Variants in TTC28 observed in about 807,000 individuals in gnomAD.
TTC28 encodes the protein tetratricopeptide repeat domain 28.
TTC28 carries 61 observed loss-of-function variants against 198.0 expected under a neutral mutation model. The observed-to-expected ratio is 0.31, with a 90% CI of 0.25 to 0.38. The LOEUF (loss-of-function observed/expected upper bound fraction) is 0.38. TTC28 is among the 10% of genes least tolerant of loss of function. The probability of loss-of-function intolerance (pLI) is 1.00; values close to 1 mark genes in which losing one functional copy is unlikely to be tolerated. For synonymous variants in TTC28, 1,171 were observed against 1,297.8 expected, an observed-to-expected ratio of 0.90 and a Z score of 2.10; for missense variants, 2,678 against 3,164.0, an observed-to-expected ratio of 0.85 and a Z score of 3.69.
At chr22:28,018,306 C>CGCGCGCACGCGCGCGG (rs1451764096) in intron 13 of TTC28, among the ~76,000 whole-genome samples, 3 of 49,192 alleles carry the variant, frequency 6.1e-5, no homozygotes, top group African/African-American at 1.8e-4. Context: ...TGTGCGCGCG[C>CGCGCGCACGCGCGCGG]GGGGGGGGGG....
At chr22:28,332,369 T>A (rs1363261105) in intron 2 of TTC28, among the ~76,000 whole-genome samples, 2 of 152,030 alleles carry the variant, frequency 1.3e-5, no homozygotes, top group African/African-American at 4.8e-5. Context: ...AATATAGACT[T>A]AATAGAAATA....
At chr22:28,075,312 G>A (rs1036477667) in intron 12 of TTC28, among the ~76,000 whole-genome samples, 1 of 152,048 alleles carries the variant, frequency 6.6e-6, no homozygotes, top group African/African-American at 2.4e-5. Context: ...GGCACAAGAC[G>A]AGTCTACAGT....
chr22:28,309,627 T>C (rs1314165066), intron 2 of TTC28, among the ~76,000 whole-genome samples: 1 of 152,222 alleles, frequency 6.6e-6, no homozygotes, highest in Admixed American at 6.5e-5. Context: ...CCACTTCATC[T>C]GGGAGAGGTA....
chr22:27,980,574 T>TG lies in TTC28; in HGVS notation c.*1646dup, dbSNP rs1488542348. 1.3e-5 allele frequency: 2 copies of TG among 152,274 alleles called. No individual in the cohort carries two copies. The highest frequency in any genetic ancestry group is 2.4e-5 in the African/African-American group (1 of 41,470). The allele number at this position is 152,274 out of a possible 1,614,324, so 9.4% of individuals were successfully genotyped here. ...CCCACCCATGGTTAAAACCCCCACC[T>TG]GGGGATCCTGAGGTCAGTGCCCCCT... On this transcript the variant is annotated 3_prime_UTR_variant, in exon 23 of 23. Transcript: ENST00000397906.
At chr22:28,558,136 T>C (rs990723699) in intron 2 of TTC28, among the ~76,000 whole-genome samples, 5 of 152,260 alleles carry the variant, frequency 3.3e-5, no homozygotes, top group Non-Finnish European at 7.3e-5. Flanking sequence ...TCCTATAACC[T>C]AACTTGTCTG....
At chr22:28,640,372 A>G (rs1351131585) in intron 1 of TTC28, among the ~76,000 whole-genome samples, 1 of 151,682 alleles carries the variant, frequency 6.6e-6, no homozygotes, top group Non-Finnish European at 1.5e-5. Context: ...GAGGTCTGAT[A>G]CACATATAAT....
At chr22:28,467,493 TCCAA>T (rs1170822303) in intron 2 of TTC28, among the ~76,000 whole-genome samples, 1 of 152,192 alleles carries the variant, frequency 6.6e-6, no homozygotes, top group Non-Finnish European at 1.5e-5. Flanking sequence ...GGCATCTACC[TCCAA>T]CCAGACACAT....
At chr22:28,432,382 A>G (rs2047446729) in intron 2 of TTC28, among the ~76,000 whole-genome samples, 1 of 152,120 alleles carries the variant, frequency 6.6e-6, no homozygotes, top group Non-Finnish European at 1.5e-5. Context: ...TTTAAAAATT[A>G]GCTTTAGGAA....
Position 27,982,634 on chromosome 22 carries a change from GT to G in TTC28, c.7032del (p.Lys2344AsnfsTer2), listed in dbSNP as rs1258345860. ...SSPADAPDID[K>X]LKMAAIDEKV... ...TTTTCATCAATGGCTGCCATTTTCA[GT>G]TTGTCTATGTCGGGAGCGTCTGCTG... On this transcript the variant is annotated frameshift_variant, in exon 23 of 23. Transcript: ENST00000397906. LOFTEE classifies it low-confidence loss of function (END_TRUNC). This position sits in a 1 kb window ranked among gnomAD's most constrained non-coding sequence, Gnocchi z 5.2. 6.4e-7 allele frequency: 1 copy of G among 1,551,780 alleles called. No homozygotes were observed. Among genetic ancestry groups the G allele is most frequent in the Non-Finnish European group, 8.7e-7 (1 of 1,147,016 alleles).
intron 6 of TTC28, among the ~76,000 whole-genome samples, chr22:28,128,123 C>A (rs536219889): frequency 9.2e-5 from 14 of 152,086 alleles, no homozygotes; most frequent in African/African-American, 2.7e-4. Flanking sequence ...AAATTTCAAG[C>A]GTTGGCTGTT....
At chr22:28,588,456 C>CAGG (rs1475667004) in intron 2 of TTC28, among the ~76,000 whole-genome samples, 1 of 152,168 alleles carries the variant, frequency 6.6e-6, no homozygotes, top group African/African-American at 2.4e-5. Context: ...GCTGAGGTTG[C>CAGG]AGGAGAATCA....
At chr22:28,099,066 A>T in intron 9 of TTC28, 22 bp from the exon 10 acceptor site, 1 of 1,551,716 alleles carries the variant, frequency 6.4e-7, no homozygotes, top group Non-Finnish European at 8.7e-7. Flanking sequence ...GAGGAAGAAC[A>T]TCATCCATTC....
At chr22:28,553,186 T>G (rs1362720453) in intron 2 of TTC28, among the ~76,000 whole-genome samples, 1 of 152,158 alleles carries the variant, frequency 6.6e-6, no homozygotes, top group Non-Finnish European at 1.5e-5. Flanking sequence ...GTGCCAAGAT[T>G]GCAGCCTCTG....
chr22:28,440,400 C>A (rs987128362), intron 2 of TTC28, among the ~76,000 whole-genome samples: 1 of 152,082 alleles, frequency 6.6e-6, no homozygotes, highest in African/African-American at 2.4e-5. Context: ...TTAGATTAAT[C>A]CAGCAAGTAA....
At chr22:28,118,315 C>G (rs1942691548) in intron 6 of TTC28, among the ~76,000 whole-genome samples, 1 of 152,028 alleles carries the variant, frequency 6.6e-6, no homozygotes, top group African/African-American at 2.4e-5. Flanking sequence ...GGGAGAATCA[C>G]TTGAACCCAG....
chr22:28,439,723 T>G (rs2047587182), intron 2 of TTC28, among the ~76,000 whole-genome samples: 2 of 152,242 alleles, frequency 1.3e-5, no homozygotes, highest in African/African-American at 4.8e-5. Flanking sequence ...TTATAGCTGT[T>G]TATTTGTATG....
At chr22:28,558,025 C>T (rs944652192) in intron 2 of TTC28, among the ~76,000 whole-genome samples, 1 of 152,058 alleles carries the variant, frequency 6.6e-6, no homozygotes, top group Non-Finnish European at 1.5e-5. Context: ...ATTTTGTCAT[C>T]GTTTTTATTT....
chr22:28,594,195 T>A (rs753271936), intron 2 of TTC28, among the ~76,000 whole-genome samples: 15 of 151,396 alleles, frequency 9.9e-5, no homozygotes, highest in Non-Finnish European at 2.2e-4. Context: ...AATAATAAGC[T>A]AATCTTGTCT....
chr22:28,168,206 T>C (rs1040728076), intron 5 of TTC28, among the ~76,000 whole-genome samples: 1 of 152,216 alleles, frequency 6.6e-6, no homozygotes, highest in Admixed American at 6.5e-5. Context: ...TCCATGCTCA[T>C]GGATAGGAAG....
Sources: allele counts gnomAD v4.1 joint callset (sites outside exome capture counted in the v4.1 genomes callset), GRCh38; gene constraint gnomAD v4.1.1; non-coding constraint Gnocchi (gnomAD v3.1); transcripts MANE v1.5; gene names NCBI Gene and HGNC (gene_info 2026-07-23, HGNC 2026-07-21).